ATXN1: variants seen among roughly 807,000 people sequenced by gnomAD.
ATXN1 encodes the protein ataxin-1.
In ATXN1, 8 loss-of-function variants were observed where a neutral mutation model predicts 56.4. The ratio of observed to expected loss-of-function variants is 0.14; its 90% confidence interval spans 0.08 to 0.26. The LOEUF is 0.26. Among genes scored for constraint, ATXN1 ranks in the 10% least tolerant of loss-of-function variants. ATXN1 has a pLI of 1.00. For synonymous variants in ATXN1, 514 were observed against 494.6 expected, an observed-to-expected ratio of 1.04 and a Z score of -0.52; for missense variants, 987 against 1,106.5, an observed-to-expected ratio of 0.89 and a Z score of 1.53.
At chr6:16,527,369 T>C (rs1472624850) in intron 4 of ATXN1, among the ~76,000 whole-genome samples, 1 of 152,016 alleles carries the variant, frequency 6.6e-6, no homozygotes, top group African/African-American at 2.4e-5. Flanking sequence ...CCAACACTGC[T>C]CCATGAATCA....
chr6:16,704,821 A>C (rs1759371991), intron 2 of ATXN1, among the ~76,000 whole-genome samples: 1 of 152,158 alleles, frequency 6.6e-6, no homozygotes, highest in African/African-American at 2.4e-5. Flanking sequence ...TCAAAGTTAC[A>C]CACACAGGCT....
At chr6:16,643,624 T>C (rs1763748272) in intron 3 of ATXN1, among the ~76,000 whole-genome samples, 1 of 82,292 alleles carries the variant, frequency 1.2e-5, no homozygotes. Context: ...AGTGAGACCC[T>C]GCCAAAAAAA....
At position 16,300,990 on chromosome 6, in the gene ATXN1, A is replaced by G. The variant is rs529576275; in HGVS notation, c.*5339T>C. ...GGTATAGTTTAAGAGCCTTTTACGT[A>G]GTAATTCTTCCAGGCCATAACCATA... On this transcript the variant is annotated 3_prime_UTR_variant, in exon 8 of 8. Transcript: ENST00000436367. The G allele has an allele frequency of 6.5e-5, 10 of 152,734 alleles. No homozygotes were observed. The highest frequency in any genetic ancestry group is 4.6e-4 in the Admixed American group (7 of 15,298). The allele number at this position is 152,734 out of a possible 1,614,324, so 9.5% of individuals were successfully genotyped here.
intron 2 of ATXN1, among the ~76,000 whole-genome samples, chr6:16,729,349 C>G (rs1759917551): frequency 1.3e-5 from 2 of 152,138 alleles, no homozygotes; most frequent in South Asian, 4.1e-4. Context: ...GAAAATGAGT[C>G]ATGGATATTG....
In ATXN1 at chr6:16,327,763, T is replaced by C. The variant is rs541131051; in HGVS notation, c.548A>G (p.Asn183Ser). 10 of 1,609,518 alleles carry C rather than the reference T, an allele frequency of 6.2e-6. No homozygotes were observed. Among genetic ancestry groups the C allele is most frequent in the Middle Eastern group, 1.7e-4 (1 of 6,028 alleles). ...CGGCGTCTGGCTCAGACTGCCCATG[T>C]TGGCCAGCAGAGTGGAATAGGCCTC... ...QLEAYSTLLA[N>S]MGSLSQTPGH... The change falls in exon 7 of 8, where the codon AAC becomes AGC. Residue 183 changes from asparagine (N) to serine (S), a missense_variant. Asn to Ser is a conservative substitution (Grantham distance 46). Coordinates refer to ENST00000436367, the MANE Select transcript of ATXN1 (RefSeq NM_001128164.2).
intron 2 of ATXN1, among the ~76,000 whole-genome samples, chr6:16,663,337 T>A (rs745973441): frequency 6.6e-6 from 1 of 152,174 alleles, no homozygotes; most frequent in Non-Finnish European, 1.5e-5. Flanking sequence ...GGATTCAAAC[T>A]GTACGAAGTG....
At chr6:16,446,768 CATAGTCTTAAAATTTTTATT>C (rs1581768699) in intron 6 of ATXN1, among the ~76,000 whole-genome samples, 1 of 152,100 alleles carries the variant, frequency 6.6e-6, no homozygotes, top group East Asian at 1.9e-4. Context: ...TCAACAAGTA[CATAGTCTTAAAATTTTTATT>C]ATGGGAGAAA....
At chr6:16,745,313 A>G (rs1269871972) in intron 2 of ATXN1, among the ~76,000 whole-genome samples, 1 of 152,238 alleles carries the variant, frequency 6.6e-6, no homozygotes, top group African/African-American at 2.4e-5. Flanking sequence ...CGGCTTTACA[A>G]CAGTAAACAA....
intron 4 of ATXN1, among the ~76,000 whole-genome samples, chr6:16,536,620 T>C (rs1371371445): frequency 6.6e-6 from 1 of 152,194 alleles, no homozygotes; most frequent in East Asian, 1.9e-4. Flanking sequence ...TAACAAAAAT[T>C]AGGCTTCTGA....
intron 2 of ATXN1, among the ~76,000 whole-genome samples, chr6:16,723,979 A>C (rs1759797343): frequency 6.6e-6 from 1 of 152,232 alleles, no homozygotes; most frequent in African/African-American, 2.4e-5. Context: ...GACTATGAGG[A>C]AAGTTCAAAG....
At chr6:16,641,971 G>A (rs1158140493) in intron 3 of ATXN1, among the ~76,000 whole-genome samples, 1 of 152,210 alleles carries the variant, frequency 6.6e-6, no homozygotes, top group African/African-American at 2.4e-5. Flanking sequence ...AACTGCAGAT[G>A]AGGTGGAAAC....
At chr6:16,375,145 G>A (rs1222365318) in intron 6 of ATXN1, among the ~76,000 whole-genome samples, 1 of 152,198 alleles carries the variant, frequency 6.6e-6, no homozygotes, top group African/African-American at 2.4e-5. Flanking sequence ...CAGCCTGGAC[G>A]TGTTCAGACC....
chr6:16,657,110 A>G (rs1758220662), intron 3 of ATXN1, among the ~76,000 whole-genome samples: 1 of 128,876 alleles, frequency 7.8e-6, no homozygotes, highest in Non-Finnish European at 1.6e-5. Context: ...CAGCCTCCCA[A>G]GTAGCTGGGA....
At chr6:16,606,114 G>A (rs567032101) in intron 3 of ATXN1, among the ~76,000 whole-genome samples, 6 of 152,174 alleles carry the variant, frequency 3.9e-5, no homozygotes, top group South Asian at 4.1e-4. Flanking sequence ...GGAGTACAGT[G>A]TGTCACTCTG....
At chr6:16,360,217 C>T (rs1240457973) in intron 6 of ATXN1, among the ~76,000 whole-genome samples, 1 of 152,162 alleles carries the variant, frequency 6.6e-6, no homozygotes, top group Non-Finnish European at 1.5e-5. Flanking sequence ...AGAGCTTCTA[C>T]AAGACACTAA....
intron 6 of ATXN1, among the ~76,000 whole-genome samples, chr6:16,467,466 C>A (rs923787708): frequency 5.3e-5 from 8 of 152,164 alleles, no homozygotes; most frequent in African/African-American, 1.9e-4. Context: ...TACTGCTTTA[C>A]ATGCAGAGGA....
rs1760138332 is a variant in ATXN1, at chr6:16,302,658, C to A, written c.*3671G>T. 1 of 152,400 alleles carries A rather than the reference C, an allele frequency of 6.6e-6. No homozygotes were observed. The highest frequency in any genetic ancestry group is 1.5e-5 in the Non-Finnish European group (1 of 67,988). 9.4% of individuals were successfully genotyped at this position (152,400 alleles called of 1,614,324 possible). ...AAGAGAGGTTCTTGTTTGTTGGTTTCTTATTAATAGTATTATTTTTTTCTT... is the reference window on the plus strand; with the variant it reads ...AAGAGAGGTTCTTGTTTGTTGGTTTATTATTAATAGTATTATTTTTTTCTT... On this transcript the variant is annotated 3_prime_UTR_variant, in exon 8 of 8. Coordinates refer to ENST00000436367, the MANE Select transcript of ATXN1 (RefSeq NM_001128164.2).
At chr6:16,696,248 G>T (rs926538251) in intron 2 of ATXN1, among the ~76,000 whole-genome samples, 1 of 152,118 alleles carries the variant, frequency 6.6e-6, no homozygotes, top group African/African-American at 2.4e-5. Flanking sequence ...TAAGTTTACA[G>T]ATATAGGCAA....
chr6:16,507,598 A>G (rs3806134), intron 5 of ATXN1, among the ~76,000 whole-genome samples: 21,777 of 152,234 alleles, frequency 0.14, 1,802 homozygotes, highest in East Asian at 0.24. Flanking sequence ...ATTTTTCTCC[A>G]AAGAAAGCCC....
Sources: gnomAD v4.1 joint callset for allele counts (sites outside exome capture counted in the v4.1 genomes callset) on GRCh38, gnomAD v4.1.1 for gene constraint, MANE v1.5 for transcripts, NCBI Gene and HGNC (gene_info 2026-07-23, HGNC 2026-07-21) for gene names.